DCDC1: variants seen among roughly 807,000 people sequenced by gnomAD.
DCDC1 encodes the protein doublecortin domain containing 1.
Under a neutral mutation model 178.3 loss-of-function variants are expected in DCDC1, and 200 were observed. The ratio of observed to expected loss-of-function variants is 1.12; its 90% CI spans 1.00 to 1.26. The LOEUF is 1.26. DCDC1 is among the 50% of genes most tolerant of loss of function. The pLI is 0.00. For missense variants in DCDC1, 1,983 were observed against 1,749.2 expected (o/e 1.13, Z -2.38); for synonymous variants, 690 against 604.8 (o/e 1.14, Z -2.07).
At chr11:31,011,509 A>C (rs1952164067) in intron 20 of DCDC1, among the ~76,000 whole-genome samples, 2 of 152,354 alleles carry the variant, frequency 1.3e-5, no homozygotes, top group South Asian at 2.1e-4. Context: ...CTGTGAAAAG[A>C]TGCTCTGCTT....
At chr11:31,354,665 G>A (rs930371926) in intron 1 of DCDC1, among the ~76,000 whole-genome samples, 1 of 152,082 alleles carries the variant, frequency 6.6e-6, no homozygotes, top group Non-Finnish European at 1.5e-5. Flanking sequence ...TTTCAATGTC[G>A]TAAGCCTTTT....
intron 9 of DCDC1, among the ~76,000 whole-genome samples, chr11:31,203,802 C>A (rs1023116909): frequency 1.3e-5 from 2 of 152,054 alleles, no homozygotes; most frequent in Non-Finnish European, 2.9e-5. Context: ...CTATTAAAGA[C>A]AAGATATCAC....
intron 29 of DCDC1, among the ~76,000 whole-genome samples, chr11:30,907,609 G>A (rs1009833559): frequency 2.6e-5 from 4 of 151,946 alleles, no homozygotes; most frequent in Non-Finnish European, 4.4e-5. Flanking sequence ...TAGCCTGCTC[G>A]AGAAGACATG....
intron 7 of DCDC1, among the ~76,000 whole-genome samples, chr11:31,269,757 C>G (rs1945425253): frequency 6.6e-6 from 1 of 152,110 alleles, no homozygotes; most frequent in African/African-American, 2.4e-5. Context: ...TGCTGTAAAA[C>G]CAGAATCTTC....
Position 31,292,860 on chromosome 11 carries a change from C to T in DCDC1, c.755-2008G>A, listed in dbSNP as rs1378619731. On this transcript the variant is annotated intron_variant, in intron 6 of 38. Transcript: ENST00000684477. ...GTATTTCTCTGGGAAAAAAAAAAAT[C>T]TCTCACAGGGGAAAAAAAAATATGA... Among the ~76,000 whole-genome samples, 6 of 151,126 alleles carry T rather than the reference C, an allele frequency of 4.0e-5. No homozygotes were observed. The East Asian group carries it at 1.2e-3, about 29-fold the overall frequency.
chr11:31,164,925 T>C (rs1966637801), intron 9 of DCDC1, among the ~76,000 whole-genome samples: 1 of 152,202 alleles, frequency 6.6e-6, no homozygotes, highest in Non-Finnish European at 1.5e-5. Flanking sequence ...TGTACAGCTG[T>C]GCCATTTTAA....
intron 7 of DCDC1, among the ~76,000 whole-genome samples, chr11:31,269,454 C>T (rs1177537062): frequency 6.6e-6 from 1 of 151,800 alleles, no homozygotes; most frequent in Non-Finnish European, 1.5e-5. Flanking sequence ...ATGATCACAC[C>T]TCATTGCATC....
chr11:31,340,239 G>A (rs1950475889), intron 1 of DCDC1, among the ~76,000 whole-genome samples: 1 of 151,984 alleles, frequency 6.6e-6, no homozygotes, highest in Admixed American at 6.6e-5. Flanking sequence ...AAAAAAATTA[G>A]CAAGAATTGG....
chr11:31,362,739 A>G (rs1951775576), intron 1 of DCDC1, among the ~76,000 whole-genome samples: 1 of 152,198 alleles, frequency 6.6e-6, no homozygotes, highest in Non-Finnish European at 1.5e-5. Context: ...AAGTATTTTA[A>G]AAATATGATA....
chr11:31,269,117 T>G (rs926440807), intron 7 of DCDC1, among the ~76,000 whole-genome samples: 4 of 152,178 alleles, frequency 2.6e-5, no homozygotes, highest in Non-Finnish European at 5.9e-5. Context: ...GAAAAATCTT[T>G]GCAGTGTTTA....
chr11:31,006,330 G>A (rs1951844404), intron 20 of DCDC1, among the ~76,000 whole-genome samples: 3 of 152,104 alleles, frequency 2.0e-5, no homozygotes, highest in Non-Finnish European at 2.9e-5. Flanking sequence ...GCCTCCAAGG[G>A]TTAGTTGTAA....
chr11:30,991,425 C>G lies in DCDC1; in HGVS notation c.2592-38857G>C, dbSNP rs113023983. Among the ~76,000 whole-genome samples the G allele has an allele frequency of 4.1e-3, 624 of 152,250 alleles. 7 individuals are homozygous for G. The highest frequency in any genetic ancestry group is 0.014 in the African/African-American group (595 of 41,544). On this transcript the variant is annotated intron_variant, in intron 20 of 38. Transcript: ENST00000684477. ...AGCAAAATGCCATGATTCTAATTGC[C>G]TAATTCTAAAAACTGAATTGTATTG...
chr11:31,105,000 TTCAAA>T (rs1958757952), intron 13 of DCDC1, among the ~76,000 whole-genome samples: 1 of 152,068 alleles, frequency 6.6e-6, no homozygotes, highest in Admixed American at 6.6e-5. Context: ...GCTTGACCCC[TTCAAA>T]TCAACATAAA....
intron 9 of DCDC1, among the ~76,000 whole-genome samples, chr11:31,158,023 A>G (rs899672481): frequency 6.6e-6 from 1 of 152,164 alleles, no homozygotes; most frequent in Non-Finnish European, 1.5e-5. Context: ...TATCTCATAT[A>G]TTTATTATTT....
At chr11:31,296,852 TG>T (rs56749227) in intron 6 of DCDC1, among the ~76,000 whole-genome samples, 1 of 151,738 alleles carries the variant, frequency 6.6e-6, no homozygotes. Context: ...GAAAACAGCA[TG>T]GGGGGGACCA....
At chr11:31,310,918 T>C (rs1054535313) in intron 3 of DCDC1, among the ~76,000 whole-genome samples, 2 of 152,180 alleles carry the variant, frequency 1.3e-5, no homozygotes, top group East Asian at 1.9e-4. Flanking sequence ...AGGCCATTCA[T>C]GGCTGTCAAG....
At chr11:31,250,421 C>CATATATATATATACAT in intron 8 of DCDC1, among the ~76,000 whole-genome samples, 2 of 52,868 alleles carry the variant, frequency 3.8e-5, no homozygotes, top group Non-Finnish European at 9.7e-5. Flanking sequence ...CACACATATA[C>CATATATATATATACAT]ATATATATGT....
chr11:31,102,603 C>T (rs1361452751), intron 14 of DCDC1, among the ~76,000 whole-genome samples: 1 of 152,070 alleles, frequency 6.6e-6, no homozygotes, highest in Non-Finnish European at 1.5e-5. Context: ...TTAAAAAGAG[C>T]TACAATTTGT....
At chr11:31,279,250 G>T (rs1022075530) in intron 7 of DCDC1, among the ~76,000 whole-genome samples, 33 of 151,822 alleles carry the variant, frequency 2.2e-4, no homozygotes, top group African/African-American at 6.1e-4. Context: ...TTTTTTTTGT[G>T]TGTGTGTGTG....
Sources: allele counts gnomAD v4.1 joint callset (sites outside exome capture counted in the v4.1 genomes callset), GRCh38; gene constraint gnomAD v4.1.1; transcripts MANE v1.5; gene names NCBI Gene and HGNC (gene_info 2026-07-23, HGNC 2026-07-21).